NSD2: variants seen among roughly 807,000 people sequenced by gnomAD.
NSD2 encodes histone-lysine N-methyltransferase NSD2.
A neutral mutation model predicts 139.0 loss-of-function variants in NSD2; 12 were observed. The observed-to-expected ratio is 0.09, with a 90% CI of 0.06 to 0.14. The LOEUF (loss-of-function observed/expected upper bound fraction) is 0.14. Among genes scored for constraint, NSD2 ranks in the 10% least tolerant of loss-of-function variants. The pLI is 1.00. For synonymous variants in NSD2, 669 were observed against 648.7 expected, an observed-to-expected ratio of 1.03 and a Z score of -0.48; for missense variants, 1,155 against 1,745.0, an observed-to-expected ratio of 0.66 and a Z score of 6.02.
chr4:1,981,197 C>A lies in NSD2; in HGVS notation c.*2288C>A, dbSNP rs1727726838. 1 of 233,130 alleles carries A rather than the reference C, an allele frequency of 4.3e-6. No homozygotes were observed. Among genetic ancestry groups the A allele is most frequent in the Non-Finnish European group, 8.5e-6 (1 of 118,054 alleles). 14.4% of individuals were successfully genotyped at this position (233,130 alleles called of 1,614,324 possible). A position where few individuals can be genotyped will look rare whatever the true frequency, so the allele number is the denominator to read the frequency against. ...ATGCAAACATTTTAAATATGTTTCT[C>A]CCCCTTTCCAAAAACTGTTAAACTA... On this transcript the variant is annotated 3_prime_UTR_variant, in exon 22 of 22. Transcript: ENST00000508803.
At chr4:1,957,292 T>G (rs1273794254) in intron 15 of NSD2, among the ~76,000 whole-genome samples, 1 of 151,700 alleles carries the variant, frequency 6.6e-6, no homozygotes, top group Non-Finnish European at 1.5e-5. Flanking sequence ...GTTTTTGTTT[T>G]TTTTTTTTTG....
chr4:1,947,657 T>C (rs1469094015), intron 9 of NSD2: 7 of 1,055,732 alleles, frequency 6.6e-6, no homozygotes, highest in Non-Finnish European at 8.0e-6. Flanking sequence ...TTTAATCTGC[T>C]GAGCACAGGG....
chr4:1,953,600 T>C (rs1416794712), intron 12 of NSD2, 76 bp downstream of exon 12: 1 of 1,488,468 alleles, frequency 6.7e-7, no homozygotes, highest in Admixed American at 2.2e-5. Context: ...CTTGGGAAGG[T>C]GGGCTGTTGG....
chr4:1,961,707 T>G (rs1288384212), intron 18 of NSD2, among the ~76,000 whole-genome samples: 1 of 152,214 alleles, frequency 6.6e-6, no homozygotes, highest in Non-Finnish European at 1.5e-5. Context: ...TCTGGAGTGC[T>G]CAGCTCTGGG....
chr4:1,953,179 G>T (rs934425333), intron 11 of NSD2, 145 bp from the exon 12 acceptor site: 1 of 1,558,404 alleles, frequency 6.4e-7, no homozygotes, highest in African/African-American at 1.4e-5. Flanking sequence ...GCTTGGACTA[G>T]TGAGCAAGGT....
chr4:1,941,232 A>G, intron 9 of NSD2: 1 of 1,055,610 alleles, frequency 9.5e-7, no homozygotes, highest in African/African-American at 1.6e-5. Context: ...AACATTTTTC[A>G]CTTAAGTTGA....
chr4:1,930,616 G>A lies in NSD2; in HGVS notation c.1411-10G>A, dbSNP rs767063335. 3.6e-5 allele frequency: 57 copies of A among 1,590,920 alleles called. 1 individual carries two copies. The South Asian group carries it at 5.5e-4, about 15-fold the overall frequency. ...TTAACTTCTCATTGCACCTTCTCCC[G>A]TTCCCACAGGTGGTAGCTGAGCACC... is the stretch of plus-strand genomic sequence containing the variant. On this transcript the variant is annotated splice_polypyrimidine_tract_variant and intron_variant, in intron 5 of 21. Transcript: ENST00000508803.
At chr4:1,965,989 T>G (rs113537314) in intron 18 of NSD2, among the ~76,000 whole-genome samples, 3,905 of 152,206 alleles carry the variant, frequency 0.026, 125 homozygotes, top group African/African-American at 0.075. Context: ...GGATTCTCAA[T>G]GAGATTATCA....
intron 11 of NSD2, 64 bp from the exon 12 acceptor site, chr4:1,953,260 G>T (rs752188446): frequency 6.2e-7 from 1 of 1,613,706 alleles, no homozygotes; most frequent in East Asian, 2.2e-5. Flanking sequence ...TAGTGGCTCA[G>T]AACTGCAATT....
At position 1,903,065 on chromosome 4, in the gene NSD2, G is replaced by A. The variant is rs566129789; in HGVS notation, c.598-1151G>A. Among the ~76,000 whole-genome samples the A allele has an allele frequency of 2.6e-5, 4 of 152,282 alleles. No homozygotes were observed. In the East Asian group the frequency reaches 7.7e-4, roughly 29 times the overall value. ...CACTGCCTGTGGTCCCAGCTACTAG[G>A]GAGGCTGAGATGGGAGGATCAAAAA... On this transcript the variant is annotated intron_variant, in intron 2 of 21. Coordinates refer to ENST00000508803, the MANE Select transcript of NSD2 (RefSeq NM_001042424.3).
In NSD2 at chr4:1,904,990, C is replaced by T. The variant is rs189339752; in HGVS notation, c.760+612C>T. ...TACTAAAAATACAAAATTAGCCGGA[C>T]GTGGTGGTGCACGCCTGTAATCCCA... On this transcript the variant is annotated intron_variant, in intron 3 of 21. Transcript: ENST00000508803. Among the ~76,000 whole-genome samples, 458 of 152,202 alleles carry T rather than the reference C, an allele frequency of 3.0e-3. 5 individuals carry two copies. The highest frequency in any genetic ancestry group is 0.01 in the African/African-American group (422 of 41,514).
In NSD2 at chr4:1,942,034, A is replaced by G; in HGVS notation, c.1881+2256A>G. The G allele has an allele frequency of 8.6e-7, 1 of 1,157,084 alleles. No homozygotes were observed. The highest frequency in any genetic ancestry group is 1.1e-6 in the Non-Finnish European group (1 of 934,180). 71.7% of individuals were successfully genotyped at this position (1,157,084 alleles called of 1,614,324 possible). ...GGTCACACCCCCTTTGCATGTTTGTATTTCCTCCCTTTCATCACATTTGTT... is the reference window on the plus strand; with the variant it reads ...GGTCACACCCCCTTTGCATGTTTGTGTTTCCTCCCTTTCATCACATTTGTT... On this transcript the variant is annotated intron_variant, in intron 9 of 21. Coordinates refer to ENST00000508803, the MANE Select transcript of NSD2 (RefSeq NM_001042424.3). The surrounding 1 kb of genome is among the most constrained non-coding windows in gnomAD (Gnocchi z 4.0).
intron 18 of NSD2, among the ~76,000 whole-genome samples, chr4:1,967,526 C>T (rs1413802262): frequency 2.0e-5 from 3 of 151,350 alleles, no homozygotes; most frequent in Non-Finnish European, 2.9e-5. Flanking sequence ...TTCAGTGAGC[C>T]GAGATCATGC....
chr4:1,935,283 C>T (rs765117080), intron 7 of NSD2, 21 bp downstream of exon 7: 2 of 1,588,122 alleles, frequency 1.3e-6, no homozygotes, highest in African/African-American at 2.7e-5. Context: ...TCCAGGTTTG[C>T]TTGACCTGTC....
intron 1 of NSD2, among the ~76,000 whole-genome samples, chr4:1,872,694 C>G (rs1221763414): frequency 2.0e-5 from 3 of 150,556 alleles, no homozygotes; most frequent in Non-Finnish European, 4.4e-5. Flanking sequence ...GGCTCAGGAG[C>G]AGCTCTTCAG....
At chr4:1,977,802 A>AC (rs1727257683) in intron 21 of NSD2, among the ~76,000 whole-genome samples, 1 of 149,000 alleles carries the variant, frequency 6.7e-6, no homozygotes, top group African/African-American at 2.5e-5. Flanking sequence ...AAAAAAAAAA[A>AC]AACCAAACAA....
At chr4:1,968,481 G>A (rs1333611783) in intron 18 of NSD2, among the ~76,000 whole-genome samples, 2 of 152,138 alleles carry the variant, frequency 1.3e-5, no homozygotes, top group Admixed American at 1.3e-4. Context: ...TACATGTGAC[G>A]TCTACATGGG....
intron 1 of NSD2, among the ~76,000 whole-genome samples, chr4:1,872,251 G>C (rs1019466480): frequency 6.6e-6 from 1 of 152,124 alleles, no homozygotes; most frequent in Non-Finnish European, 1.5e-5. Flanking sequence ...CTCGGCGTCC[G>C]GGCCTCCGCC....
chr4:1,873,815 G>A (rs935011983), intron 1 of NSD2, among the ~76,000 whole-genome samples: 8 of 152,220 alleles, frequency 5.3e-5, no homozygotes, highest in Non-Finnish European at 8.8e-5. Context: ...CTAAGATGGT[G>A]CTGAAGTTCA....
Sources: allele counts gnomAD v4.1 joint callset (sites outside exome capture counted in the v4.1 genomes callset), GRCh38; gene constraint gnomAD v4.1.1; non-coding constraint Gnocchi (gnomAD v3.1); transcripts MANE v1.5; gene names NCBI Gene and HGNC (gene_info 2026-07-23, HGNC 2026-07-21).